Variants in HCFC2 observed in about 807,000 individuals in gnomAD.
HCFC2 encodes the protein host cell factor 2.
HCFC2 carries 18 observed loss-of-function variants against 89.2 expected under a neutral mutation model. The ratio of observed to expected loss-of-function variants is 0.20; its 90% CI spans 0.14 to 0.30. The LOEUF (loss-of-function observed/expected upper bound fraction) is 0.30. Among genes scored for constraint, HCFC2 ranks in the 10% least tolerant of loss-of-function variants. The pLI is 1.00. For synonymous variants in HCFC2, 308 were observed against 335.7 expected, an observed-to-expected ratio of 0.92 and a Z score of 0.90; for missense variants, 578 against 956.1, an observed-to-expected ratio of 0.60 and a Z score of 5.21.
chr12:104,098,267 C>A, intron 12 of HCFC2, 76 bp from the exon 13 acceptor site: 2 of 1,180,240 alleles, frequency 1.7e-6, no homozygotes, highest in South Asian at 1.5e-5. Flanking sequence ...TAGATCACTG[C>A]ATGGACTTAT....
chr12:104,082,575 A>G lies in HCFC2; in HGVS notation c.843A>G (p.Arg281=), dbSNP rs1408483857. The G allele has an allele frequency of 6.2e-7, 1 of 1,613,262 alleles. No individual in the cohort carries two copies. Among genetic ancestry groups the G allele is most frequent in the Non-Finnish European group, 8.5e-7 (1 of 1,179,418 alleles). Residue 281 remains arginine (R), a synonymous_variant, in exon 6 of 15, where the codon AGA becomes AGG. Transcript: ENST00000229330. ...CTTCACCTCATGATTGTGAATGGAG[A>G]TGTACCAGTTCATTTTCTTACCTAA... is the stretch of plus-strand genomic sequence containing the variant. ...TETSPHDCEW[R]CTSSFSYLNL...
In HCFC2 at chr12:104,079,625, C is replaced by G. The variant is rs768587493; in HGVS notation, c.654C>G (p.Arg218=). 1.8e-5 allele frequency: 29 copies of G among 1,614,036 alleles called. No individual in the cohort carries two copies. The highest frequency in any genetic ancestry group is 2.5e-5 in the Non-Finnish European group (29 of 1,179,990). The change falls in exon 4 of 15, where the codon CGC becomes CGG. Residue 218 remains arginine (R), a synonymous_variant. Transcript: ENST00000229330. ...MYVFGGMCGA[R]LDDLWQLDLE... is the part of the protein sequence containing the mutation. ...TTTTTGGTGGAATGTGTGGTGCTCGCCTGGATGACCTATGGCAGCTTGACT... is the reference window on the plus strand; with the variant it reads ...TTTTTGGTGGAATGTGTGGTGCTCGGCTGGATGACCTATGGCAGCTTGACT...
At chr12:104,087,951 G>T in intron 8 of HCFC2, 35 bp from the exon 9 acceptor site, 1 of 1,338,234 alleles carries the variant, frequency 7.5e-7, no homozygotes, top group South Asian at 1.4e-5. Context: ...AGCTAGTTAA[G>T]AGCATATCAG....
At chr12:104,098,149 C>G in intron 12 of HCFC2, 194 bp from the exon 13 acceptor site, 1 of 456,980 alleles carries the variant, frequency 2.2e-6, no homozygotes, top group Non-Finnish European at 3.8e-6. Flanking sequence ...CCTGTCACTC[C>G]TGTGTTTGAA....
At position 104,104,532 on chromosome 12, in the gene HCFC2, C is replaced by CT. The variant is rs1158690917; in HGVS notation, c.*1266dup. 1.3e-5 allele frequency: 2 copies of CT among 151,918 alleles called. No individual in the cohort carries two copies. Among genetic ancestry groups the CT allele is most frequent in the East Asian group, 3.9e-4 (2 of 5,194 alleles). 9.4% of individuals were successfully genotyped at this position (151,918 alleles called of 1,614,324 possible). On this transcript the variant is annotated 3_prime_UTR_variant, in exon 15 of 15. Transcript: ENST00000229330. The stretch of plus-strand genomic sequence containing the variant: ...AATAACTGCAGGGGCACAGGTCTAT[C>CT]TTTTTTTATACCACATAACCTTATG...
At chr12:104,086,774 T>C in intron 7 of HCFC2, 73 bp from the exon 8 acceptor site, 3 of 1,355,204 alleles carry the variant, frequency 2.2e-6, no homozygotes, top group Non-Finnish European at 2.1e-6. Flanking sequence ...AAAGCTCTGG[T>C]CCACACAAAT....
chr12:104,097,479 C>A, intron 12 of HCFC2: 1 of 158,044 alleles, frequency 6.3e-6, no homozygotes, highest in Non-Finnish European at 1.3e-5. Flanking sequence ...AGAATGAAAA[C>A]AAGTTTAAAG....
intron 3 of HCFC2, among the ~76,000 whole-genome samples, chr12:104,075,577 G>A (rs191629748): frequency 5.3e-5 from 8 of 150,642 alleles, no homozygotes; most frequent in African/African-American, 2.0e-4. Context: ...TCCCACCTCA[G>A]CCTTCTGAGT....
chr12:104,105,295 T>G lies in HCFC2; in HGVS notation c.*2022T>G, dbSNP rs1306841641. The G allele has an allele frequency of 6.6e-6, 1 of 152,088 alleles. No individual in the cohort carries two copies. The highest frequency in any genetic ancestry group is 1.9e-4 in the East Asian group (1 of 5,206). 9.4% of individuals were successfully genotyped at this position (152,088 alleles called of 1,614,324 possible). On this transcript the variant is annotated 3_prime_UTR_variant, in exon 15 of 15. Coordinates refer to ENST00000229330, the MANE Select transcript of HCFC2 (RefSeq NM_013320.3). The stretch of plus-strand genomic sequence containing the variant: ...ATAGAAAAAGTTTGGCTTTTAACCC[T>G]TTCTTCTCTGCATTAATTAACAACG...
At position 104,086,865 on chromosome 12, in the gene HCFC2, C is replaced by G. The variant is rs1366607621; in HGVS notation, c.1082C>G (p.Ser361Cys). ...YLDTEKPPAPSQVQLIKATTN... is the reference protein window; with the variant it reads ...YLDTEKPPAPCQVQLIKATTN... ...TCTATAGAGAAACCACCGGCACCAT[C>G]TCAAGTACAGCTGATCAAAGCCACT... The change falls in exon 8 of 15, where the codon TCT (serine) becomes TGT (cysteine). Residue 361 changes from serine to cysteine, a missense_variant. Ser to Cys is a moderately radical substitution (Grantham distance 112). Around this residue, in one of 4 missense-constraint regions of HCFC2, gnomAD observed 210 missense variants for 251.7 expected, o/e 0.83. Transcript: ENST00000229330. The G allele has an allele frequency of 1.2e-6, 2 of 1,613,814 alleles. No homozygotes were observed. The highest frequency in any genetic ancestry group is 1.7e-6 in the Non-Finnish European group (2 of 1,179,780).
At chr12:104,088,463 G>A (rs10861156) in intron 9 of HCFC2, among the ~76,000 whole-genome samples, 43,374 of 152,120 alleles carry the variant, frequency 0.29, 6,411 homozygotes, top group South Asian at 0.42. Flanking sequence ...TTTCTTTACT[G>A]TGTATTTTGT....
At chr12:104,081,895 A>T (rs1001947581) in intron 5 of HCFC2, among the ~76,000 whole-genome samples, 3 of 144,794 alleles carry the variant, frequency 2.1e-5, no homozygotes, top group African/African-American at 7.7e-5. Flanking sequence ...ACAGAACAAG[A>T]TCCTGTCTCA....
At chr12:104,087,496 TAC>T (rs1306911878) in intron 8 of HCFC2, among the ~76,000 whole-genome samples, 1 of 146,686 alleles carries the variant, frequency 6.8e-6, no homozygotes, top group Non-Finnish European at 1.5e-5. Flanking sequence ...TATATATATA[TAC>T]ACACATACAC....
At chr12:104,070,517 C>T (rs968984082) in intron 3 of HCFC2, among the ~76,000 whole-genome samples, 20 of 152,128 alleles carry the variant, frequency 1.3e-4, no homozygotes, top group African/African-American at 4.6e-4. Flanking sequence ...GTTTCCTTCA[C>T]TGTGAAATGG....
intron 12 of HCFC2, 42 bp from the exon 13 acceptor site, chr12:104,098,301 T>A: frequency 6.5e-7 from 1 of 1,538,012 alleles, no homozygotes; most frequent in Non-Finnish European, 8.8e-7. Flanking sequence ...TTTTCGTATA[T>A]TCAATAAGAG....
chr12:104,085,353 T>G (rs760844988), intron 7 of HCFC2, among the ~76,000 whole-genome samples: 3 of 152,146 alleles, frequency 2.0e-5, no homozygotes, highest in Non-Finnish European at 4.4e-5. Context: ...GAAAAAAATA[T>G]AGAAAATTCA....
At position 104,086,876 on chromosome 12, in the gene HCFC2, C is replaced by T. The variant is rs1883867290; in HGVS notation, c.1093C>T (p.Leu365=). 2 of 1,613,684 alleles carry T rather than the reference C, an allele frequency of 1.2e-6. No homozygotes were observed. The highest frequency in any genetic ancestry group is 2.7e-5 in the African/African-American group (2 of 74,878). The part of the protein sequence containing the change: ...EKPPAPSQVQ[L]IKATTNSFHV... ...ACCACCGGCACCATCTCAAGTACAG[C>T]TGATCAAAGCCACTACCAACTCCTT... The change falls in exon 8 of 15, where the codon CTG becomes TTG. Residue 365 remains leucine, a synonymous_variant. Coordinates refer to ENST00000229330, the MANE Select transcript of HCFC2 (RefSeq NM_013320.3).
intron 2 of HCFC2, among the ~76,000 whole-genome samples, chr12:104,067,419 C>A (rs535250740): frequency 1.3e-5 from 2 of 152,300 alleles, no homozygotes; most frequent in South Asian, 4.1e-4. Context: ...GGGCGGTGAT[C>A]ATGCGGGTAT....
intron 12 of HCFC2, 36 bp from the exon 13 acceptor site, chr12:104,098,295 CGTATATTCAATA>C: frequency 6.7e-7 from 1 of 1,490,552 alleles, no homozygotes; most frequent in Non-Finnish European, 9.1e-7. Flanking sequence ...TGAAATTTTT[CGTATATTCAATA>C]AGAGTCTTCA....
Sources: allele counts gnomAD v4.1 joint callset (sites outside exome capture counted in the v4.1 genomes callset), GRCh38; gene constraint gnomAD v4.1.1; regional missense constraint gnomAD v4.1.1; transcripts MANE v1.5; gene names NCBI Gene and HGNC (gene_info 2026-07-23, HGNC 2026-07-21).